Variants in CERS6 observed in about 807,000 individuals in gnomAD.
The protein encoded by CERS6 is LAG1 homolog, ceramide synthase 6.
CERS6 carries 26 observed loss-of-function variants against 56.8 expected under a neutral mutation model. The ratio of observed to expected loss-of-function variants is 0.46; its 90% CI spans 0.34 to 0.63. CERS6 has a LOEUF of 0.63. Ranked by LOEUF, CERS6 falls within the 30% of genes least tolerant of loss-of-function variation. CERS6 has a pLI of 0.01. For missense variants in CERS6, 415 were observed against 467.5 expected, an observed-to-expected ratio of 0.89 and a Z score of 1.04; for synonymous variants, 164 against 173.3, an observed-to-expected ratio of 0.95 and a Z score of 0.42.
intron 6 of CERS6, among the ~76,000 whole-genome samples, chr2:168,710,760 C>T (rs1687068877): frequency 6.6e-6 from 1 of 152,202 alleles, no homozygotes; most frequent in Admixed American, 6.5e-5. Flanking sequence ...ATCAGAATTT[C>T]AGAAGTAGGT....
At chr2:168,637,744 T>C (rs528044320) in intron 4 of CERS6, among the ~76,000 whole-genome samples, 1 of 152,350 alleles carries the variant, frequency 6.6e-6, no homozygotes, top group African/African-American at 2.4e-5. Context: ...TTTAGTAGAA[T>C]GTTACATGAA....
intron 4 of CERS6, among the ~76,000 whole-genome samples, chr2:168,687,473 A>G (rs937662754): frequency 2.6e-5 from 4 of 152,168 alleles, no homozygotes; most frequent in Non-Finnish European, 5.9e-5. Context: ...CCCCAAGCCC[A>G]GACCTCAGCC....
At chr2:168,577,990 A>G (rs991338523) in intron 3 of CERS6, among the ~76,000 whole-genome samples, 7 of 152,124 alleles carry the variant, frequency 4.6e-5, no homozygotes, top group Non-Finnish European at 1.5e-5. Context: ...ACAAGTCACT[A>G]TGTCCCAGTC....
rs572115310 is a variant in CERS6 at position 168,754,111 on chromosome 2, C to T, written c.846-11481C>T. 1.0e-3 allele frequency among the ~76,000 whole-genome samples: 153 copies of T among 152,238 alleles called. 2 individuals are homozygous for T. The South Asian group carries it at 0.026, about 26-fold the overall frequency. On this transcript the variant is annotated intron_variant, in intron 8 of 9. Coordinates refer to ENST00000305747, the MANE Select transcript of CERS6 (RefSeq NM_203463.3). ...AAGCCAGGCATCAAATACCACTCCC[C>T]GTGTTAAGTATCAGAGTCCAGAGAG... is the stretch of plus-strand genomic sequence containing the variant.
At chr2:168,685,933 T>C (rs1047216156) in intron 4 of CERS6, among the ~76,000 whole-genome samples, 4 of 151,772 alleles carry the variant, frequency 2.6e-5, no homozygotes, top group African/African-American at 9.7e-5. Context: ...CACTGTGATA[T>C]GGCCTGTCTT....
intron 1 of CERS6, among the ~76,000 whole-genome samples, chr2:168,512,464 G>T (rs1411299716): frequency 6.6e-6 from 1 of 151,706 alleles, no homozygotes; most frequent in Non-Finnish European, 1.5e-5. Flanking sequence ...TATATCCTGA[G>T]ATTTTTCTTT....
At chr2:168,459,294 A>G (rs1693734856) in intron 1 of CERS6, among the ~76,000 whole-genome samples, 1 of 152,226 alleles carries the variant, frequency 6.6e-6, no homozygotes, top group Non-Finnish European at 1.5e-5. Context: ...AGTCTTAGGT[A>G]TTTCTCTCTA....
chr2:168,662,464 C>T (rs13019756), intron 4 of CERS6, among the ~76,000 whole-genome samples: 20,796 of 152,088 alleles, frequency 0.14, 1,957 homozygotes, highest in South Asian at 0.32. Flanking sequence ...CACGGTGGCT[C>T]ATGCCTGTAA....
chr2:168,690,345 T>C (rs1274348917), intron 4 of CERS6, among the ~76,000 whole-genome samples: 3 of 152,208 alleles, frequency 2.0e-5, no homozygotes, highest in Non-Finnish European at 1.5e-5. Context: ...ATTGGATAAT[T>C]CGGCTGTCTG....
intron 1 of CERS6, among the ~76,000 whole-genome samples, chr2:168,485,263 TC>T (rs1336271688): frequency 7.9e-5 from 12 of 152,150 alleles, no homozygotes; most frequent in African/African-American, 2.9e-4. Flanking sequence ...TCCACATTAC[TC>T]CCCTACACTC....
chr2:168,463,824 A>T (rs1204374594), intron 1 of CERS6, among the ~76,000 whole-genome samples: 2 of 152,036 alleles, frequency 1.3e-5, no homozygotes, highest in Non-Finnish European at 2.9e-5. Flanking sequence ...TGGGAGGATC[A>T]CTCGAGCTTG....
At chr2:168,599,809 T>G (rs1574091419) in intron 3 of CERS6, among the ~76,000 whole-genome samples, 1 of 152,324 alleles carries the variant, frequency 6.6e-6, no homozygotes, top group East Asian at 1.9e-4. Context: ...TCACAAATAT[T>G]TATGGAATTC....
At chr2:168,726,252 G>C (rs1327510859) in intron 8 of CERS6, among the ~76,000 whole-genome samples, 2 of 152,064 alleles carry the variant, frequency 1.3e-5, no homozygotes, top group African/African-American at 4.8e-5. Context: ...TGATTCACCG[G>C]GCTCTCTGGA....
rs1687193577 is a variant in CERS6 at position 168,715,054 on chromosome 2, T to G, written c.663T>G (p.Phe221Leu). 1 of 1,611,868 alleles carries G rather than the reference T, an allele frequency of 6.2e-7. No homozygotes were observed. The highest frequency in any genetic ancestry group is 1.7e-5 in the Admixed American group (1 of 59,754). The part of the protein sequence containing the change: ...HHLVSIFLIT[F>L]SYVNNMARVG... Reference sequence around the variant, plus strand: ...TTGTATCTATTTTCTTGATTACCTTTTCATATGTCAACAATATGGCCCGAG... The same window carrying G: ...TTGTATCTATTTTCTTGATTACCTTGTCATATGTCAACAATATGGCCCGAG... The change falls in exon 7 of 10, where the codon TTT becomes TTG. Residue 221 changes from phenylalanine to leucine, a missense_variant. Transcript: ENST00000305747.
At chr2:168,563,534 A>T (rs1022810966) in intron 3 of CERS6, among the ~76,000 whole-genome samples, 3 of 152,216 alleles carry the variant, frequency 2.0e-5, no homozygotes, top group Admixed American at 6.5e-5. Context: ...GCAGTGGCTC[A>T]CGCCTGTAAT....
intron 1 of CERS6, among the ~76,000 whole-genome samples, chr2:168,481,281 G>A (rs568934560): frequency 1.3e-4 from 20 of 152,272 alleles, no homozygotes; most frequent in African/African-American, 4.8e-4. Flanking sequence ...CAGGCGTGGT[G>A]GCTGGCACCT....
At chr2:168,502,951 T>C (rs958944739) in intron 1 of CERS6, among the ~76,000 whole-genome samples, 1 of 152,184 alleles carries the variant, frequency 6.6e-6, no homozygotes, top group Non-Finnish European at 1.5e-5. Flanking sequence ...GGGTGTCTTA[T>C]ATGGTTTGGC....
At chr2:168,556,352 A>G (rs1479671407) in intron 2 of CERS6, among the ~76,000 whole-genome samples, 1 of 152,190 alleles carries the variant, frequency 6.6e-6, no homozygotes, top group African/African-American at 2.4e-5. Context: ...AATTCATTTT[A>G]TTAGTAGATC....
intron 1 of CERS6, among the ~76,000 whole-genome samples, chr2:168,529,897 A>G (rs1393969295): frequency 1.3e-5 from 2 of 151,574 alleles, no homozygotes; most frequent in African/African-American, 4.8e-5. Flanking sequence ...CACCCCCAAG[A>G]CCTGACATTT....
Sources: allele counts gnomAD v4.1 joint callset (sites outside exome capture counted in the v4.1 genomes callset), GRCh38; gene constraint gnomAD v4.1.1; transcripts MANE v1.5; gene names NCBI Gene and HGNC (gene_info 2026-07-23, HGNC 2026-07-21).